NLRP13: variants seen among roughly 807,000 people sequenced by gnomAD.
NLRP13 encodes the protein NACHT, LRR and PYD domains-containing protein 13.
A neutral mutation model predicts 94.4 loss-of-function variants in NLRP13; 82 were observed. The observed-to-expected ratio is 0.87, with a 90% CI of 0.73 to 1.04. NLRP13 has a LOEUF of 1.04. NLRP13 is among the 50% of genes least tolerant of loss of function. The probability of loss-of-function intolerance (pLI) is 0.00; values close to 1 mark genes in which losing one functional copy is unlikely to be tolerated. For missense variants in NLRP13, 1,426 were observed against 1,230.8 expected, an observed-to-expected ratio of 1.16 and a Z score of -2.37; for synonymous variants, 553 against 464.7, an observed-to-expected ratio of 1.19 and a Z score of -2.45.
chr19:55,911,448 C>A (rs965225286), intron 5 of NLRP13, among the ~76,000 whole-genome samples: 2 of 152,198 alleles, frequency 1.3e-5, no homozygotes, highest in African/African-American at 4.8e-5. Context: ...TGTCTTAGCA[C>A]AATGCCTGGT....
At chr19:55,901,981 A>T (rs1986192356) in intron 9 of NLRP13, 54 bp downstream of exon 9, 2 of 1,584,476 alleles carry the variant, frequency 1.3e-6, no homozygotes, top group Non-Finnish European at 1.7e-6. Context: ...TTGGTGGGTC[A>T]ATTCCCATGG....
chr19:55,899,080 G>A (rs377081070), intron 9 of NLRP13, 143 bp from the exon 10 acceptor site: 22 of 822,508 alleles, frequency 2.7e-5, no homozygotes, highest in African/African-American at 1.2e-4. Context: ...AGGAGGGTGC[G>A]AGTCAGGAGG....
chr19:55,925,034 C>T lies in NLRP13; in HGVS notation c.321G>A (p.Glu107=), dbSNP rs1568446521. The T allele has an allele frequency of 6.2e-7, 1 of 1,613,810 alleles. No homozygotes were observed. Among genetic ancestry groups the T allele is most frequent in the African/African-American group, 1.3e-5 (1 of 74,884 alleles). Residue 107 remains glutamate (E), a splice_region_variant and synonymous_variant, in exon 2 of 11, where the codon GAG becomes GAA. Coordinates refer to ENST00000342929, the MANE Select transcript of NLRP13 (RefSeq NM_176810.2). Reference sequence around the variant, plus strand: ...CTTGCAGCTCTTGGGTCTGCACATTCTCTGAAACAAACAGTGATGATGACA... The same window carrying T: ...CTTGCAGCTCTTGGGTCTGCACATTTTCTGAAACAAACAGTGATGATGACA... The part of the protein sequence containing the change: ...LCEKVRAEMK[E]NVQTQELQDP...
intron 1 of NLRP13, among the ~76,000 whole-genome samples, chr19:55,926,536 C>T (rs1248089803): frequency 6.6e-6 from 1 of 152,170 alleles, no homozygotes; most frequent in African/African-American, 2.4e-5. Flanking sequence ...AACCAGCCTA[C>T]CCTTCCTACA....
chr19:55,905,610 G>A (rs751358362), intron 7 of NLRP13, among the ~76,000 whole-genome samples: 3 of 151,946 alleles, frequency 2.0e-5, no homozygotes, highest in South Asian at 4.2e-4. Context: ...CCAAGAGTGC[G>A]CCACTGTACT....
chr19:55,905,454 CATATATACACACATATATACATAT>C (rs200666303), intron 7 of NLRP13, among the ~76,000 whole-genome samples: 16,583 of 148,720 alleles, frequency 0.11, 1,147 homozygotes, highest in East Asian at 0.18. Context: ...TATATATATA[CATATATACACACATATATACATAT>C]ATATATACAC....
chr19:55,913,548 C>CAAAAAAA (rs10530056), intron 4 of NLRP13, among the ~76,000 whole-genome samples: 22 of 52,068 alleles, frequency 4.2e-4, no homozygotes, highest in Admixed American at 5.2e-4. Context: ...GACTCCGTCT[C>CAAAAAAA]AAAAAAAAAA....
chr19:55,910,839 A>C, intron 5 of NLRP13, 106 bp from the exon 6 acceptor site: 1 of 1,024,594 alleles, frequency 9.8e-7, no homozygotes. Context: ...AATTATTATA[A>C]TTTTCCTAAT....
chr19:55,908,490 T>G (rs1334026489), intron 6 of NLRP13, among the ~76,000 whole-genome samples: 2 of 152,214 alleles, frequency 1.3e-5, no homozygotes, highest in Admixed American at 6.5e-5. Context: ...ATTGCAGCAC[T>G]ATTCACAATA....
downstream of NLRP13, among the ~76,000 whole-genome samples, chr19:55,895,446 G>A (rs942180554): frequency 5.3e-5 from 8 of 151,944 alleles, no homozygotes; most frequent in South Asian, 4.2e-4. Flanking sequence ...ACTTTGAGAC[G>A]CCGAGGTGGG....
chr19:55,907,527 A>T (rs1986388518), intron 7 of NLRP13, among the ~76,000 whole-genome samples: 1 of 152,182 alleles, frequency 6.6e-6, no homozygotes, highest in Admixed American at 6.5e-5. Context: ...AGCAGAGATC[A>T]CGTCATTGCA....
intron 6 of NLRP13, among the ~76,000 whole-genome samples, chr19:55,910,071 A>G (rs967759181): frequency 6.6e-6 from 1 of 152,154 alleles, no homozygotes; most frequent in Non-Finnish European, 1.5e-5. Flanking sequence ...ACAATGTAAG[A>G]TCCCTGATGG....
intron 9 of NLRP13, among the ~76,000 whole-genome samples, chr19:55,900,613 A>AAG (rs1490275286): frequency 1.3e-5 from 2 of 151,364 alleles, no homozygotes; most frequent in Admixed American, 6.6e-5. Flanking sequence ...GTACTAAAAA[A>AAG]AAAATACAAA....
Position 55,932,330 on chromosome 19 carries a change from T to C in NLRP13, c.-19A>G. ...AGTTCATCTTGCCCAACACATGCAG[T>C]TTCTCACTTCAGCAAAGGACTCCTA... On this transcript the variant is annotated 5_prime_UTR_variant, in exon 1 of 11. Transcript: ENST00000342929. 1 of 1,592,538 alleles carries C rather than the reference T, an allele frequency of 6.3e-7. No individual in the cohort carries two copies. Among genetic ancestry groups the C allele is most frequent in the Non-Finnish European group, 8.5e-7 (1 of 1,174,798 alleles).
intron 4 of NLRP13, among the ~76,000 whole-genome samples, chr19:55,920,151 T>C (rs929720841): frequency 1.8e-4 from 28 of 152,094 alleles, no homozygotes; most frequent in Non-Finnish European, 7.4e-5. Context: ...AACTGGACCA[T>C]ATCTCTCACT....
intron 5 of NLRP13, among the ~76,000 whole-genome samples, chr19:55,911,356 C>G (rs1034327127): frequency 1.3e-5 from 2 of 152,174 alleles, no homozygotes; most frequent in African/African-American, 2.4e-5. Flanking sequence ...CGCAGCCCCC[C>G]AGTAGCTGGG....
intron 4 of NLRP13, among the ~76,000 whole-genome samples, chr19:55,915,115 C>G (rs987028727): frequency 1.3e-5 from 2 of 152,076 alleles, no homozygotes; most frequent in Admixed American, 1.3e-4. Context: ...ACAAGAGGAA[C>G]GAGTTCTGTG....
At position 55,924,933 on chromosome 19, in the gene NLRP13, C is replaced by T. The variant is rs758454592; in HGVS notation, c.388+34G>A. ...AGTGAATGAGTGCTCCATCAAGCAA[C>T]CTGTCCATTATCAACTTAAAGTAGT... On this transcript the variant is annotated intron_variant, in intron 2 of 10. Coordinates refer to ENST00000342929, the MANE Select transcript of NLRP13 (RefSeq NM_176810.2). 4 of 1,569,098 alleles carry T rather than the reference C, an allele frequency of 2.5e-6. No individual in the cohort carries two copies. The South Asian group carries it at 4.4e-5, about 17-fold the overall frequency.
rs868456544 is a variant in NLRP13 at position 55,931,724 on chromosome 19, A to C, written c.319+269T>G. 1.6e-3 allele frequency among the ~76,000 whole-genome samples: 221 copies of C among 136,862 alleles called. 2 individuals are homozygous for C. Among genetic ancestry groups the C allele is most frequent in the Middle Eastern group, 3.7e-3 (1 of 272 alleles). 89.8% of individuals were successfully genotyped at this position (136,862 alleles called of 152,430 possible). A position where few individuals can be genotyped will look rare whatever the true frequency, so the allele number is the denominator to read the frequency against. On this transcript the variant is annotated intron_variant, in intron 1 of 10. Coordinates refer to ENST00000342929, the MANE Select transcript of NLRP13 (RefSeq NM_176810.2). ...GACTCAGGCTCAAAAAAAAAAAAAA[A>C]AGAAAGAAAGAAAGAAAGAAAAAGG...
Sources: allele counts gnomAD v4.1 joint callset (sites outside exome capture counted in the v4.1 genomes callset), GRCh38; gene constraint gnomAD v4.1.1; transcripts MANE v1.5; gene names NCBI Gene and HGNC (gene_info 2026-07-23, HGNC 2026-07-21).